The following PTPRD variants were observed in gnomAD, a reference collection of about 807,000 sequenced individuals.
The protein encoded by PTPRD is receptor-type tyrosine-protein phosphatase delta.
A neutral mutation model predicts 214.5 loss-of-function variants in PTPRD; 34 were observed. The observed-to-expected ratio is 0.16, with a 90% CI of 0.12 to 0.21. The LOEUF is 0.21. PTPRD is among the 10% of genes least tolerant of loss of function. The pLI is 1.00. For synonymous variants in PTPRD, 1,128 were observed against 845.7 expected (o/e 1.33, Z -5.79); for missense variants, 2,545 against 2,398.7 (o/e 1.06, Z -1.27).
At chr9:8,479,928 C>A (rs2096845030) in intron 30 of PTPRD, among the ~76,000 whole-genome samples, 1 of 152,100 alleles carries the variant, frequency 6.6e-6, no homozygotes, top group African/African-American at 2.4e-5. Context: ...CTATCAGACT[C>A]AGATTAGATA....
intron 2 of PTPRD, among the ~76,000 whole-genome samples, chr9:10,571,594 T>A (rs1370107996): frequency 1.3e-5 from 2 of 152,198 alleles, no homozygotes; most frequent in Non-Finnish European, 2.9e-5. Context: ...AAAGTGGTCA[T>A]GACCACCATC....
In PTPRD at chr9:9,246,245, C is replaced by T. The variant is rs184921998; in HGVS notation, c.-202-62882G>A. Among the ~76,000 whole-genome samples the T allele has an allele frequency of 1.6e-3, 250 of 152,042 alleles. 2 individuals carry two copies. The highest frequency in any genetic ancestry group is 5.7e-3 in the African/African-American group (237 of 41,504). On this transcript the variant is annotated intron_variant, in intron 9 of 45. Transcript: ENST00000381196. The stretch of plus-strand genomic sequence containing the variant: ...GATCCTGAATGTTTTTAGTGTCCTC[C>T]GATATGTCTCGAAACTAATACTTTC...
At chr9:9,389,620 A>G (rs1410224311) in intron 9 of PTPRD, among the ~76,000 whole-genome samples, 1 of 152,204 alleles carries the variant, frequency 6.6e-6, no homozygotes, top group Non-Finnish European at 1.5e-5. Context: ...TATACCAACC[A>G]TTGAGAAGCC....
At chr9:10,092,374 T>C (rs1414511050) in intron 3 of PTPRD, among the ~76,000 whole-genome samples, 1 of 151,302 alleles carries the variant, frequency 6.6e-6, no homozygotes, top group South Asian at 2.1e-4. Context: ...TGTAGACCAA[T>C]CCATTAATTA....
chr9:8,878,875 T>C lies in PTPRD; in HGVS notation c.-104+139822A>G, dbSNP rs139708517. ...CTGTGCTTTATAATCCCTTTTGGGG[T>C]GCATAGCATAAGAAAGAATGGCCAT... On this transcript the variant is annotated intron_variant, in intron 11 of 45. Transcript: ENST00000381196. Among the ~76,000 whole-genome samples, 202 of 152,278 alleles carry C rather than the reference T, an allele frequency of 1.3e-3. 1 individual carries two copies. Among genetic ancestry groups the C allele is most frequent in the African/African-American group, 4.4e-3 (183 of 41,560 alleles).
intron 7 of PTPRD, among the ~76,000 whole-genome samples, chr9:9,648,216 C>T (rs1005739979): frequency 4.0e-5 from 6 of 150,894 alleles, no homozygotes; most frequent in African/African-American, 1.5e-4. Context: ...TCTTATATAG[C>T]CTATTAAAAA....
At chr9:9,037,361 A>G (rs1438154664) in intron 10 of PTPRD, among the ~76,000 whole-genome samples, 1 of 152,132 alleles carries the variant, frequency 6.6e-6, no homozygotes, top group Non-Finnish European at 1.5e-5. Flanking sequence ...AATAGAATGA[A>G]CAAAGGATAT....
chr9:8,914,797 A>G (rs2154264081), intron 11 of PTPRD, among the ~76,000 whole-genome samples: 1 of 152,288 alleles, frequency 6.6e-6, no homozygotes, highest in Non-Finnish European at 1.5e-5. Context: ...GACACCATTT[A>G]GAATTGATGA....
chr9:8,392,400 C>T (rs1033795891), intron 36 of PTPRD, among the ~76,000 whole-genome samples: 4 of 152,062 alleles, frequency 2.6e-5, no homozygotes, highest in East Asian at 3.9e-4. Flanking sequence ...GTCATGCACG[C>T]CTGTAGTCCC....
At position 9,547,818 on chromosome 9, in the gene PTPRD, A is replaced by G. The variant is rs1363383689; in HGVS notation, c.-237+26914T>C. On this transcript the variant is annotated intron_variant, in intron 8 of 45. Transcript: ENST00000381196. Reference sequence around the variant, plus strand: ...AATTCACACACACACACACACACACACACACATCAGGAAAAAGTCCAAGGC... The same window carrying G: ...AATTCACACACACACACACACACACGCACACATCAGGAAAAAGTCCAAGGC... 3.9e-5 allele frequency among the ~76,000 whole-genome samples: 6 copies of G among 152,006 alleles called. 1 individual carries two copies. The highest frequency in any genetic ancestry group is 2.6e-4 in the Admixed American group (4 of 15,220).
Position 8,980,610 on chromosome 9 carries a change from G to C in PTPRD, c.-104+38087C>G, listed in dbSNP as rs72708155. Among the ~76,000 whole-genome samples, 1,062 of 152,118 alleles carry C rather than the reference G, an allele frequency of 7.0e-3. 6 individuals carry two copies. Among genetic ancestry groups the C allele is most frequent in the Non-Finnish European group, 0.011 (762 of 67,980 alleles). ...AAGTTATCTCAGAAAATTCCCCAAG[G>C]ACAAACTGAGAGTTACATTTTCCTA... is the stretch of plus-strand genomic sequence containing the variant. On this transcript the variant is annotated intron_variant, in intron 11 of 45. Coordinates refer to ENST00000381196, the MANE Select transcript of PTPRD (RefSeq NM_002839.4).
chr9:9,921,581 A>G (rs2082548106), intron 5 of PTPRD, among the ~76,000 whole-genome samples: 1 of 151,794 alleles, frequency 6.6e-6, no homozygotes, highest in Non-Finnish European at 1.5e-5. Flanking sequence ...AAATTACATA[A>G]TAGTTTTACT....
chr9:8,604,801 G>A (rs1465197081), intron 14 of PTPRD, among the ~76,000 whole-genome samples: 2 of 152,154 alleles, frequency 1.3e-5, no homozygotes, highest in Admixed American at 6.5e-5. Context: ...TTTCATAAAC[G>A]GGTATGATGA....
At chr9:9,771,169 T>C (rs999364165) in intron 5 of PTPRD, among the ~76,000 whole-genome samples, 3 of 152,166 alleles carry the variant, frequency 2.0e-5, no homozygotes, top group Non-Finnish European at 2.9e-5. Context: ...TTCCCACCTT[T>C]ATTAACTATT....
At chr9:8,564,491 T>A (rs78507525) in intron 14 of PTPRD, among the ~76,000 whole-genome samples, 1 of 151,900 alleles carries the variant, frequency 6.6e-6, no homozygotes, top group African/African-American at 2.4e-5. Flanking sequence ...CTTGAGGAGT[T>A]TGAGTTTGAG....
chr9:9,183,579 T>C (rs943447161), intron 9 of PTPRD, among the ~76,000 whole-genome samples: 2 of 152,000 alleles, frequency 1.3e-5, no homozygotes, highest in African/African-American at 4.8e-5. Context: ...TCACTATTGT[T>C]CACAGGCTAT....
intron 2 of PTPRD, among the ~76,000 whole-genome samples, chr9:10,366,517 AG>A (rs2097520532): frequency 6.6e-6 from 1 of 152,200 alleles, no homozygotes; most frequent in African/African-American, 2.4e-5. Flanking sequence ...AGCAAAATAT[AG>A]AGATGTAAAG....
intron 2 of PTPRD, among the ~76,000 whole-genome samples, chr9:10,565,300 C>G (rs528469707): frequency 6.6e-6 from 1 of 152,168 alleles, no homozygotes; most frequent in South Asian, 2.1e-4. Flanking sequence ...CCCTCATGCT[C>G]AACTTCATCA....
At chr9:9,105,530 T>C (rs2099797273) in intron 10 of PTPRD, among the ~76,000 whole-genome samples, 1 of 152,198 alleles carries the variant, frequency 6.6e-6, no homozygotes, top group Non-Finnish European at 1.5e-5. Flanking sequence ...GCTCTCAGAC[T>C]CAGCATATTG....
Sources: gnomAD v4.1 joint callset for allele counts (sites outside exome capture counted in the v4.1 genomes callset) on GRCh38, gnomAD v4.1.1 for gene constraint, MANE v1.5 for transcripts, NCBI Gene and HGNC (gene_info 2026-07-23, HGNC 2026-07-21) for gene names.